Variants in AVEN observed in about 807,000 individuals in gnomAD.
The protein encoded by AVEN is apoptosis and caspase activation inhibitor, also known as cell death regulator Aven.
A neutral mutation model predicts 38.1 loss-of-function variants in AVEN; 41 were observed. That is an observed-to-expected ratio of 1.08 (90% CI 0.84 to 1.40). The LOEUF (loss-of-function observed/expected upper bound fraction) is 1.40. Ranked by LOEUF, AVEN falls within the 40% of genes most tolerant of loss-of-function variation. The pLI is 0.00. For missense variants in AVEN, 605 were observed against 438.8 expected (o/e 1.38, Z -3.38); for synonymous variants, 206 against 171.8 (o/e 1.20, Z -1.56).
intron 2 of AVEN, among the ~76,000 whole-genome samples, chr15:33,887,199 G>A (rs953069184): frequency 1.3e-5 from 2 of 152,130 alleles, no homozygotes; most frequent in African/African-American, 4.8e-5. Flanking sequence ...TGACTATGGG[G>A]TTAGGAAGCA....
chr15:33,891,580 T>C (rs112531101), intron 2 of AVEN, among the ~76,000 whole-genome samples: 3,084 of 152,286 alleles, frequency 0.02, 79 homozygotes, highest in African/African-American at 0.063. Context: ...TATGGCTGCA[T>C]AGTATTCCAT....
chr15:34,018,595 T>C (rs1350068677), intron 1 of AVEN: 2 of 152,408 alleles, frequency 1.3e-5, no homozygotes, highest in South Asian at 2.1e-4. Flanking sequence ...ATAAAGGTAG[T>C]GCAGACCCAA....
At chr15:33,950,870 G>A (rs999761785) in intron 2 of AVEN, among the ~76,000 whole-genome samples, 2 of 152,122 alleles carry the variant, frequency 1.3e-5, no homozygotes, top group Non-Finnish European at 2.9e-5. Flanking sequence ...AGCAAGGCAG[G>A]GTGGCTGATG....
chr15:34,071,993 C>G (rs1280258561), intron 1 of AVEN, among the ~76,000 whole-genome samples: 2 of 152,144 alleles, frequency 1.3e-5, no homozygotes. Context: ...TGGCCAGGCA[C>G]AGGGACTCAT....
At chr15:33,894,499 G>C (rs529407505) in intron 2 of AVEN, among the ~76,000 whole-genome samples, 2 of 112,198 alleles carry the variant, frequency 1.8e-5, no homozygotes, top group East Asian at 5.5e-4. Context: ...AGTTGGGGTG[G>C]ATAGGGTTTT....
chr15:33,891,633 T>C (rs572928423), intron 2 of AVEN, among the ~76,000 whole-genome samples: 20 of 152,338 alleles, frequency 1.3e-4, no homozygotes, highest in African/African-American at 4.8e-4. Context: ...CTATCAATGA[T>C]GGACATTTGG....
intron 2 of AVEN, among the ~76,000 whole-genome samples, chr15:33,988,139 A>C (rs1896557487): frequency 6.6e-6 from 1 of 152,224 alleles, no homozygotes; most frequent in African/African-American, 2.4e-5. Context: ...TTAACCAACC[A>C]CAAACCTTCT....
At chr15:33,972,095 T>C (rs1895662219) in intron 2 of AVEN, 1 of 152,180 alleles carries the variant, frequency 6.6e-6, no homozygotes, top group Non-Finnish European at 1.5e-5. Flanking sequence ...TGTCACTTTT[T>C]CAGCATCAAC....
chr15:33,922,750 C>T (rs992070884), intron 2 of AVEN, among the ~76,000 whole-genome samples: 2 of 152,070 alleles, frequency 1.3e-5, no homozygotes, highest in Non-Finnish European at 2.9e-5. Context: ...GATTTGACAA[C>T]CTAATTCTCT....
At chr15:33,944,289 C>G (rs1299239583) in intron 2 of AVEN, among the ~76,000 whole-genome samples, 2 of 152,142 alleles carry the variant, frequency 1.3e-5, no homozygotes, top group Non-Finnish European at 2.9e-5. Flanking sequence ...TTAATTAGGC[C>G]ATGATCCCTG....
intron 4 of AVEN, among the ~76,000 whole-genome samples, chr15:33,869,800 A>C (rs115596099): frequency 0.04 from 6,132 of 152,030 alleles, 393 homozygotes; most frequent in East Asian, 0.34. Flanking sequence ...GATTCTACTT[A>C]AAATCAGTAC....
chr15:34,003,035 C>T lies in AVEN; in HGVS notation c.442G>A (p.Ala148Thr), dbSNP rs1166233623. The change falls in exon 2 of 6, where the codon GCA (alanine) becomes ACA (threonine). Residue 148 changes from alanine (A) to threonine (T), a missense_variant. Coordinates refer to ENST00000306730, the MANE Select transcript of AVEN (RefSeq NM_020371.3). ...GTDFSVLLSS[A>T]GDSFSQFRFA... The stretch of plus-strand genomic sequence containing the variant: ...TGCATGCAACTGGAATTCATACCTG[C>T]AGAGCTAAGGAGGACACTGAAATCT... The T allele has an allele frequency of 1.2e-6, 2 of 1,611,614 alleles. No individual in the cohort carries two copies. The highest frequency in any genetic ancestry group is 1.7e-6 in the Non-Finnish European group (2 of 1,179,050).
At chr15:33,957,617 A>G (rs1404804502) in intron 2 of AVEN, among the ~76,000 whole-genome samples, 1 of 152,184 alleles carries the variant, frequency 6.6e-6, no homozygotes, top group Non-Finnish European at 1.5e-5. Flanking sequence ...AGGAGAAATG[A>G]TAAACAAATT....
At chr15:33,891,391 C>T (rs774190734) in intron 2 of AVEN, among the ~76,000 whole-genome samples, 2 of 152,126 alleles carry the variant, frequency 1.3e-5, no homozygotes, top group South Asian at 2.1e-4. Flanking sequence ...CAGTCCCCCA[C>T]CCCCTGACGG....
At chr15:33,965,061 T>C (rs997499260) in intron 2 of AVEN, among the ~76,000 whole-genome samples, 6 of 152,220 alleles carry the variant, frequency 3.9e-5, no homozygotes, top group Non-Finnish European at 8.8e-5. Context: ...TTATAGAAGA[T>C]GAATGATAAC....
At chr15:34,009,113 T>C (rs1897519273) in intron 1 of AVEN, among the ~76,000 whole-genome samples, 1 of 151,926 alleles carries the variant, frequency 6.6e-6, no homozygotes, top group African/African-American at 2.4e-5. Context: ...ATTCAAAGTG[T>C]TGCTAGGAAA....
chr15:33,975,305 T>C (rs923794574), intron 2 of AVEN, among the ~76,000 whole-genome samples: 2 of 152,204 alleles, frequency 1.3e-5, no homozygotes, highest in Non-Finnish European at 2.9e-5. Context: ...TACTCTAACC[T>C]AAAACTCCTG....
At chr15:33,901,046 C>T (rs1326587715) in intron 2 of AVEN, among the ~76,000 whole-genome samples, 3 of 152,174 alleles carry the variant, frequency 2.0e-5, no homozygotes, top group African/African-American at 7.2e-5. Flanking sequence ...GCAGGCACAT[C>T]ACGAGGTCAG....
intron 4 of AVEN, among the ~76,000 whole-genome samples, chr15:33,868,544 C>CA (rs35851228): frequency 0.34 from 22,377 of 65,230 alleles, 5,099 homozygotes; most frequent in Non-Finnish European, 0.52. Flanking sequence ...GACTCCGTCT[C>CA]AAAAAAAAAA....
Sources: allele counts gnomAD v4.1 joint callset (sites outside exome capture counted in the v4.1 genomes callset), GRCh38; gene constraint gnomAD v4.1.1; transcripts MANE v1.5; gene names NCBI Gene and HGNC (gene_info 2026-07-23, HGNC 2026-07-21).